Variants in CNTLN observed in about 807,000 individuals in gnomAD.
CNTLN encodes centlein, centrosomal protein.
Under a neutral mutation model 180.0 loss-of-function variants are expected in CNTLN, and 212 were observed. The observed-to-expected ratio is 1.18, with a 90% CI of 1.05 to 1.32. The LOEUF is 1.32. Among genes scored for constraint, CNTLN ranks in the 40% most tolerant of loss-of-function variants. The pLI, the probability that CNTLN is intolerant of heterozygous loss-of-function variation, is 0.00. For synonymous variants in CNTLN, 722 were observed against 563.1 expected, an observed-to-expected ratio of 1.28 and a Z score of -3.99; for missense variants, 2,095 against 1,610.9, an observed-to-expected ratio of 1.30 and a Z score of -5.14.
chr9:17,244,919 A>C (rs1449037275), intron 5 of CNTLN, among the ~76,000 whole-genome samples: 5 of 152,132 alleles, frequency 3.3e-5, no homozygotes, highest in Admixed American at 2.0e-4. Context: ...AGAAACACTC[A>C]AAGAGAAAAC....
chr9:17,277,577 A>G (rs1201790388), intron 6 of CNTLN, among the ~76,000 whole-genome samples: 2 of 152,114 alleles, frequency 1.3e-5, no homozygotes, highest in African/African-American at 4.8e-5. Flanking sequence ...TATAAGACCT[A>G]GAAATGAAAG....
intron 2 of CNTLN, among the ~76,000 whole-genome samples, chr9:17,200,994 G>T (rs1372288097): frequency 1.3e-5 from 2 of 152,148 alleles, no homozygotes; most frequent in Admixed American, 6.5e-5. Flanking sequence ...TTGTTATTTT[G>T]CGATACGTTC....
At chr9:17,196,417 T>A (rs1822135083) in intron 2 of CNTLN, among the ~76,000 whole-genome samples, 1 of 152,172 alleles carries the variant, frequency 6.6e-6, no homozygotes, top group Admixed American at 6.5e-5. Flanking sequence ...AAGGGATTTT[T>A]AAAGAATTAT....
At chr9:17,281,995 G>A (rs534281650) in intron 6 of CNTLN, among the ~76,000 whole-genome samples, 5 of 151,972 alleles carry the variant, frequency 3.3e-5, no homozygotes, top group Admixed American at 6.6e-5. Context: ...ACGAAGTCTC[G>A]CTCTGTTGCC....
chr9:17,424,831 A>G (rs1019272647), intron 18 of CNTLN, among the ~76,000 whole-genome samples: 8 of 152,140 alleles, frequency 5.3e-5, no homozygotes, highest in Non-Finnish European at 1.2e-4. Context: ...CTGCCATGTC[A>G]TGACCTGGCA....
intron 2 of CNTLN, among the ~76,000 whole-genome samples, chr9:17,197,094 T>G (rs1822182568): frequency 6.6e-6 from 1 of 152,158 alleles, no homozygotes; most frequent in African/African-American, 2.4e-5. Context: ...AGCAAATTAC[T>G]TACACTCACG....
At chr9:17,197,554 C>G (rs1253073809) in intron 2 of CNTLN, among the ~76,000 whole-genome samples, 1 of 152,086 alleles carries the variant, frequency 6.6e-6, no homozygotes, top group Non-Finnish European at 1.5e-5. Flanking sequence ...AATATATATT[C>G]AGATCTTTTG....
chr9:17,170,940 A>G (rs1563845472), intron 2 of CNTLN, among the ~76,000 whole-genome samples: 1 of 152,078 alleles, frequency 6.6e-6, no homozygotes, highest in Non-Finnish European at 1.5e-5. Context: ...CAGTACAGTA[A>G]CATGCTGTAC....
At chr9:17,460,875 C>T (rs961454202) in intron 19 of CNTLN, among the ~76,000 whole-genome samples, 8 of 151,574 alleles carry the variant, frequency 5.3e-5, no homozygotes, top group Non-Finnish European at 5.9e-5. Flanking sequence ...TACTTCTCAG[C>T]AGAAAACACC....
intron 13 of CNTLN, among the ~76,000 whole-genome samples, chr9:17,370,330 C>A (rs1271844789): frequency 1.3e-5 from 2 of 152,114 alleles, no homozygotes; most frequent in Non-Finnish European, 1.5e-5. Context: ...AAATAACATA[C>A]AATGGAGCTT....
rs1012998252 is a variant in CNTLN, at chr9:17,454,257, T to G, written c.3115-3267T>G. ...TAATAGATAGTGTCTAGTTTAAAAA[T>G]TTTATAGTGTTAAGTTCTATTTTAT... is the stretch of plus-strand genomic sequence containing the variant. On this transcript the variant is annotated intron_variant, in intron 18 of 25. Transcript: ENST00000380647. Among the ~76,000 whole-genome samples the G allele has an allele frequency of 2.0e-5, 3 of 152,206 alleles. No homozygotes were observed. The East Asian group carries it at 5.8e-4, about 29-fold the overall frequency.
At chr9:17,257,147 C>T (rs1826562124) in intron 5 of CNTLN, among the ~76,000 whole-genome samples, 1 of 151,662 alleles carries the variant, frequency 6.6e-6, no homozygotes, top group South Asian at 2.1e-4. Flanking sequence ...CCACAACAGT[C>T]CCCAGAGTGT....
intron 25 of CNTLN, among the ~76,000 whole-genome samples, chr9:17,502,176 G>T (rs2134428626): frequency 6.6e-6 from 1 of 152,248 alleles, no homozygotes. Flanking sequence ...TATGAGTGAT[G>T]AACACACAGT....
intron 6 of CNTLN, among the ~76,000 whole-genome samples, chr9:17,294,876 TG>T (rs1817735107): frequency 1.2e-4 from 1 of 8,100 alleles, no homozygotes; most frequent in Non-Finnish European, 2.3e-4. Flanking sequence ...GCGGAGGGAG[TG>T]GGGGGAGGGG....
intron 18 of CNTLN, among the ~76,000 whole-genome samples, chr9:17,453,686 G>A (rs1830933325): frequency 6.6e-6 from 1 of 152,182 alleles, no homozygotes; most frequent in African/African-American, 2.4e-5. Context: ...TGTCAGCCAG[G>A]CTGCCTTTTT....
intron 23 of CNTLN, among the ~76,000 whole-genome samples, chr9:17,472,554 G>C (rs1201900227): frequency 6.6e-6 from 1 of 151,984 alleles, no homozygotes; most frequent in Non-Finnish European, 1.5e-5. Flanking sequence ...CTGATGTATG[G>C]TTCTCAACTT....
chr9:17,416,210 G>T, intron 18 of CNTLN, 21 bp downstream of exon 18: 1 of 1,558,868 alleles, frequency 6.4e-7, no homozygotes, highest in South Asian at 1.1e-5. Flanking sequence ...CTTTAAGATT[G>T]AACAGTAGTA....
chr9:17,272,871 A>G (rs1269979281), intron 5 of CNTLN, among the ~76,000 whole-genome samples: 1 of 151,858 alleles, frequency 6.6e-6, no homozygotes, highest in Non-Finnish European at 1.5e-5. Flanking sequence ...TAAGTTTTTA[A>G]AAAGGCTTGC....
chr9:17,354,093 A>T (rs1199724217), intron 12 of CNTLN, among the ~76,000 whole-genome samples: 1 of 152,190 alleles, frequency 6.6e-6, no homozygotes, highest in African/African-American at 2.4e-5. Context: ...GTGGCTGCGG[A>T]GGGTGTACTG....
Sources: gnomAD v4.1 joint callset for allele counts (sites outside exome capture counted in the v4.1 genomes callset) on GRCh38, gnomAD v4.1.1 for gene constraint, MANE v1.5 for transcripts, NCBI Gene and HGNC (gene_info 2026-07-23, HGNC 2026-07-21) for gene names.